SNX25: variants seen among roughly 807,000 people sequenced by gnomAD.
The protein encoded by SNX25 is sorting nexin-25.
A neutral mutation model predicts 113.7 loss-of-function variants in SNX25; 62 were observed. The observed-to-expected ratio is 0.55, with a 90% CI of 0.44 to 0.67. The LOEUF (loss-of-function observed/expected upper bound fraction) is 0.67. Ranked by LOEUF, SNX25 falls within the 30% of genes least tolerant of loss-of-function variation. SNX25 has a pLI of 0.00. For missense variants in SNX25, 1,014 were observed against 1,161.0 expected (o/e 0.87, Z 1.84); for synonymous variants, 421 against 436.2 (o/e 0.97, Z 0.43).
At chr4:185,215,443 A>T (rs1252326534) in intron 1 of SNX25, among the ~76,000 whole-genome samples, 1 of 152,258 alleles carries the variant, frequency 6.6e-6, no homozygotes, top group Non-Finnish European at 1.5e-5. Flanking sequence ...CGCTTGGATC[A>T]GATGGCTAGG....
chr4:185,354,635 G>T (rs940559569), intron 15 of SNX25, among the ~76,000 whole-genome samples: 1 of 152,196 alleles, frequency 6.6e-6, no homozygotes, highest in African/African-American at 2.4e-5. Context: ...GGGGATCAAA[G>T]TTCCATTTCC....
downstream of SNX25, chr4:185,372,962 A>G (rs1417571570): frequency 6.2e-7 from 1 of 1,613,884 alleles, no homozygotes; most frequent in Non-Finnish European, 8.5e-7. Context: ...TCTCTTAAGC[A>G]CTGCAGGGCA....
At chr4:185,362,761 C>G (rs2095370988) in intron 18 of SNX25, 50 bp downstream of exon 18, 3 of 1,476,686 alleles carry the variant, frequency 2.0e-6, no homozygotes, top group South Asian at 2.3e-5. Context: ...TTGTCTGTTT[C>G]TTCGTTTGGT....
rs1330650492 is a variant in SNX25 at position 185,247,273 on chromosome 4, A to AT, written c.430-14dup. On this transcript the variant is annotated intron_variant, in intron 1 of 18. Transcript: ENST00000652585. ...TTATTCATTCAGTAATCTGCTTTGT[A>AT]TTTTTTTCCTTTCATTTCAGAGTCC... 14 of 1,528,670 alleles carry AT rather than the reference A, an allele frequency of 9.2e-6. No individual in the cohort carries two copies. The African/African-American group carries it at 1.6e-4, about 17-fold the overall frequency. The allele number at this position is 1,528,670 out of a possible 1,614,324, so 94.7% of individuals were successfully genotyped here.
chr4:185,219,832 A>G (rs1268924819), intron 1 of SNX25, among the ~76,000 whole-genome samples: 1 of 152,044 alleles, frequency 6.6e-6, no homozygotes, highest in Non-Finnish European at 1.5e-5. Context: ...CAGGCTGCCA[A>G]TTTGTTATAC....
intron 2 of SNX25, among the ~76,000 whole-genome samples, chr4:185,251,287 A>G (rs1745598900): frequency 1.3e-5 from 2 of 152,040 alleles, no homozygotes; most frequent in Admixed American, 1.3e-4. Context: ...GAGCCCCCGC[A>G]CCCGGCCTTA....
intron 6 of SNX25, 43 bp downstream of exon 6, chr4:185,288,125 C>T: frequency 6.6e-7 from 1 of 1,519,236 alleles, no homozygotes. Flanking sequence ...TCTGAAAGGT[C>T]AGCTTGATCC....
At chr4:185,206,600 A>G (rs3108241), upstream of SNX25, among the ~76,000 whole-genome samples, 92,556 of 148,102 alleles carry the variant, frequency 0.62, 29,138 homozygotes, top group Non-Finnish European at 0.68. Context: ...CGGAGGTTGC[A>G]GTGAGCCGAG....
chr4:185,367,100 A>C (rs2095390497), downstream of SNX25: 2 of 1,234,684 alleles, frequency 1.6e-6, no homozygotes, highest in African/African-American at 3.0e-5. Flanking sequence ...GATGTGCAAA[A>C]TAACCAAACA....
chr4:185,346,547 C>T lies in SNX25; in HGVS notation c.2198C>T (p.Ser733Phe). ...LHRKLSECVP[S>F]LKKVQLPSLS... ...TTTTTCCCCCCACAGTGCGTCCCTT[C>T]TTTAAAAAAAGTCCAGTTGCCTTCT... Residue 733 changes from serine (S) to phenylalanine (F), a missense_variant, in exon 13 of 19, where the codon TCT (serine) becomes TTT (phenylalanine). Ser to Phe is a radical substitution (Grantham distance 155). Coordinates refer to ENST00000652585, the MANE Select transcript of SNX25 (RefSeq NM_001378034.2). The T allele has an allele frequency of 6.3e-7, 1 of 1,591,754 alleles. No individual in the cohort carries two copies. The highest frequency in any genetic ancestry group is 8.5e-7 in the Non-Finnish European group (1 of 1,173,238).
the SNX25 span, chr4:185,378,521 A>C: frequency 9.4e-7 from 1 of 1,058,944 alleles, no homozygotes; most frequent in Non-Finnish European, 1.1e-6. Context: ...AAGTGTTGCC[A>C]CTTAGTGGGA....
intron 1 of SNX25, among the ~76,000 whole-genome samples, chr4:185,226,125 A>G (rs1740958325): frequency 6.6e-6 from 1 of 152,172 alleles, no homozygotes; most frequent in South Asian, 2.1e-4. Flanking sequence ...CTCTCAATAC[A>G]GCATTCCAGG....
chr4:185,331,547 G>A (rs574749284), intron 9 of SNX25, among the ~76,000 whole-genome samples: 9 of 152,152 alleles, frequency 5.9e-5, no homozygotes, highest in Non-Finnish European at 1.3e-4. Flanking sequence ...TTGGGAGGAC[G>A]AGGCAGGTGG....
intron 10 of SNX25, 125 bp from the exon 11 acceptor site, chr4:185,339,254 A>G (rs1404937402): frequency 1.3e-6 from 1 of 785,434 alleles, no homozygotes; most frequent in Non-Finnish European, 1.9e-6. Context: ...TTGTTTTTGG[A>G]TTATTCACTG....
At chr4:185,240,439 A>G (rs1319179133) in intron 1 of SNX25, among the ~76,000 whole-genome samples, 2 of 145,442 alleles carry the variant, frequency 1.4e-5, no homozygotes, top group African/African-American at 5.2e-5. Context: ...CTGGCCGGGC[A>G]GAGGGGCTCC....
chr4:185,221,819 C>G (rs1739909961), intron 1 of SNX25, among the ~76,000 whole-genome samples: 1 of 152,044 alleles, frequency 6.6e-6, no homozygotes, highest in African/African-American at 2.4e-5. Context: ...GCTGCTGCCC[C>G]CTTTATCTAG....
intron 2 of SNX25, among the ~76,000 whole-genome samples, chr4:185,253,626 G>A (rs1434073189): frequency 1.3e-5 from 2 of 151,894 alleles, no homozygotes; most frequent in Non-Finnish European, 1.5e-5. Flanking sequence ...GAGCTACCAC[G>A]CCCGGCTAAT....
chr4:185,363,376 T>C lies in SNX25; in HGVS notation c.2935-9T>C. 6.2e-7 allele frequency: 1 copy of C among 1,613,778 alleles called. No individual in the cohort carries two copies. Among genetic ancestry groups the C allele is most frequent in the Non-Finnish European group, 8.5e-7 (1 of 1,179,820 alleles). ...ATTTTTCCACTTTTTTCCTTCTTTGTTGGTTCAGGCGCTGATGGAACTGCT... is the reference window on the plus strand; with the variant it reads ...ATTTTTCCACTTTTTTCCTTCTTTGCTGGTTCAGGCGCTGATGGAACTGCT... On this transcript the variant is annotated splice_polypyrimidine_tract_variant and intron_variant, in intron 18 of 18. Coordinates refer to ENST00000652585, the MANE Select transcript of SNX25 (RefSeq NM_001378034.2). This position sits in a 1 kb window ranked among gnomAD's most constrained non-coding sequence, Gnocchi z 4.2.
chr4:185,346,884 G>A (rs1417769437), intron 13 of SNX25, among the ~76,000 whole-genome samples: 6 of 152,142 alleles, frequency 3.9e-5, no homozygotes, highest in Admixed American at 3.9e-4. Context: ...CCAGCACCCA[G>A]TCCAATGCAC....
Sources: gnomAD v4.1 joint callset for allele counts (sites outside exome capture counted in the v4.1 genomes callset) on GRCh38, gnomAD v4.1.1 for gene constraint, Gnocchi (gnomAD v3.1) non-coding constraint, MANE v1.5 for transcripts, NCBI Gene and HGNC (gene_info 2026-07-23, HGNC 2026-07-21) for gene names.